The following TMC3 variants were observed in gnomAD, a reference collection of about 807,000 sequenced individuals.
TMC3 encodes transmembrane channel like 3, also known as transmembrane channel-like protein 3.
A neutral mutation model predicts 110.6 loss-of-function variants in TMC3; 98 were observed. The observed-to-expected ratio is 0.89, with a 90% CI of 0.75 to 1.05. The LOEUF is 1.05. Among genes scored for constraint, TMC3 ranks in the 50% least tolerant of loss-of-function variants. The pLI is 0.00. For missense variants in TMC3, 1,319 were observed against 1,373.2 expected, an observed-to-expected ratio of 0.96 and a Z score of 0.62; for synonymous variants, 489 against 513.1, an observed-to-expected ratio of 0.95 and a Z score of 0.63.
In TMC3 at chr15:81,343,298, G is replaced by T; in HGVS notation, c.1695C>A (p.Val565=). Residue 565 remains valine, a synonymous_variant, in exon 15 of 22, where the codon GTC becomes GTA. Transcript: ENST00000359440. ...FKIAENVLHL[V]YNQGMIWMGA... ...CCTACCAAATCATTCCTTGGTTGTA[G>T]ACTAAATGTAGCACATTCTCAGCTA... is the stretch of plus-strand genomic sequence containing the variant. 1 of 1,609,350 alleles carries T rather than the reference G, an allele frequency of 6.2e-7. No homozygotes were observed. Among genetic ancestry groups the T allele is most frequent in the Non-Finnish European group, 8.5e-7 (1 of 1,175,664 alleles).
chr15:81,354,711 C>G (rs1894021883), intron 9 of TMC3, among the ~76,000 whole-genome samples: 1 of 152,168 alleles, frequency 6.6e-6, no homozygotes, highest in Non-Finnish European at 1.5e-5. Context: ...ACTATCTTCT[C>G]CATGAAATTT....
intron 9 of TMC3, among the ~76,000 whole-genome samples, chr15:81,353,719 C>T (rs533760807): frequency 6.6e-6 from 1 of 152,202 alleles, no homozygotes; most frequent in Non-Finnish European, 1.5e-5. Flanking sequence ...GATGTTCACA[C>T]AAGGACAACA....
At position 81,332,244 on chromosome 15, in the gene TMC3, T is replaced by C; in HGVS notation, c.*175A>G. 1 of 929,916 alleles carries C rather than the reference T, an allele frequency of 1.1e-6. No homozygotes were observed. The highest frequency in any genetic ancestry group is 1.5e-6 in the Non-Finnish European group (1 of 650,034). The allele number at this position is 929,916 out of a possible 1,614,324, so 57.6% of individuals were successfully genotyped here. On this transcript the variant is annotated 3_prime_UTR_variant, in exon 22 of 22. Transcript: ENST00000359440. ...GGATAAATTTGGCTAACAGTAGCTG[T>C]AGAATAGGTATCTGTAGCCCTGTCA... is the stretch of plus-strand genomic sequence containing the variant.
intron 10 of TMC3, 109 bp from the exon 11 acceptor site, chr15:81,349,676 G>T: frequency 1.8e-6 from 1 of 569,878 alleles, no homozygotes; most frequent in Non-Finnish European, 2.7e-6. Flanking sequence ...CTTTCCACAG[G>T]GTCCTTGGAT....
At chr15:81,366,747 A>G (rs1894325765) in intron 3 of TMC3, among the ~76,000 whole-genome samples, 1 of 152,214 alleles carries the variant, frequency 6.6e-6, no homozygotes, top group South Asian at 2.1e-4. Flanking sequence ...AGAATTGTAA[A>G]GAAGATTTTT....
rs376083134 is a variant in TMC3 at position 81,343,886 on chromosome 15, A to G, written c.1647+31T>C. ...AGAAAGGATGGATTTGGCCATATAA[A>G]CTTTCCCAACAGACACAGCATTTTA... On this transcript the variant is annotated intron_variant, in intron 14 of 21. Coordinates refer to ENST00000359440, the MANE Select transcript of TMC3 (RefSeq NM_001080532.3). The G allele has an allele frequency of 2.0e-4, 319 of 1,605,298 alleles. 1 individual carries two copies. The African/African-American group carries it at 3.7e-3, about 18-fold the overall frequency.
intron 10 of TMC3, among the ~76,000 whole-genome samples, chr15:81,350,830 C>T (rs1217106306): frequency 6.6e-6 from 1 of 152,094 alleles, no homozygotes; most frequent in East Asian, 1.9e-4. Context: ...ATTTAGAATT[C>T]CAAAATTGTT....
chr15:81,371,482 G>A (rs1027601583), intron 2 of TMC3, among the ~76,000 whole-genome samples: 1 of 152,206 alleles, frequency 6.6e-6, no homozygotes, highest in Admixed American at 6.5e-5. Flanking sequence ...CAGTGGTTCT[G>A]TCCACACTGC....
At chr15:81,343,038 T>A in intron 15 of TMC3, 1 of 450,692 alleles carries the variant, frequency 2.2e-6, no homozygotes, top group Non-Finnish European at 4.0e-6. Flanking sequence ...CTGTGCAGAT[T>A]TTTTTCGGCT....
chr15:81,352,257 A>G (rs946487258), intron 9 of TMC3, among the ~76,000 whole-genome samples: 2 of 152,194 alleles, frequency 1.3e-5, no homozygotes, highest in Non-Finnish European at 2.9e-5. Context: ...GGGAGGACAC[A>G]TGATTCTGCC....
intron 10 of TMC3, 140 bp downstream of exon 10, chr15:81,351,554 G>C: frequency 9.4e-7 from 1 of 1,062,068 alleles, no homozygotes; most frequent in Non-Finnish European, 1.3e-6. Context: ...GTTTCATCAT[G>C]TTGGCCAGGC....
chr15:81,372,829 C>T, intron 1 of TMC3, 92 bp from the exon 2 acceptor site: 8 of 1,336,334 alleles, frequency 6.0e-6, no homozygotes, highest in Non-Finnish European at 7.3e-6. Flanking sequence ...CAGCATCTCA[C>T]TGCCCTAGGG....
In TMC3 at chr15:81,339,411, T is replaced by C; in HGVS notation, c.1938A>G (p.Leu646=). Reference sequence around the variant, plus strand: ...AAACTTACCTGAATGGCCCACAGTTTAGAGATGGCTTGTATCGGACAATAG... The same window carrying C: ...AAACTTACCTGAATGGCCCACAGTTCAGAGATGGCTTGTATCGGACAATAG... The part of the protein sequence containing the change: ...IFAIVRYKPS[L]NCGPFSGQEK... Residue 646 remains leucine (L), a synonymous_variant, in exon 17 of 22, where the codon CTA becomes CTG. Transcript: ENST00000359440. 1.2e-6 allele frequency: 2 copies of C among 1,610,766 alleles called. No individual in the cohort carries two copies. The highest frequency in any genetic ancestry group is 1.3e-5 in the African/African-American group (1 of 75,010).
chr15:81,340,330 TTCTTTA>T (rs1176111962), intron 16 of TMC3, among the ~76,000 whole-genome samples: 3 of 152,184 alleles, frequency 2.0e-5, no homozygotes, highest in Admixed American at 6.5e-5. Context: ...GTTGTGAAAC[TTCTTTA>T]TCTTTGTCTA....
chr15:81,334,316 G>T (rs1314267887), intron 21 of TMC3, among the ~76,000 whole-genome samples: 1 of 152,164 alleles, frequency 6.6e-6, no homozygotes, highest in South Asian at 2.1e-4. Flanking sequence ...AAAGTAGGAA[G>T]GGATCTACTG....
Position 81,351,723 on chromosome 15 carries a change from T to C in TMC3, c.1054A>G (p.Lys352Glu). The C allele has an allele frequency of 6.4e-7, 1 of 1,563,020 alleles. No homozygotes were observed. Among genetic ancestry groups the C allele is most frequent in the Non-Finnish European group, 8.7e-7 (1 of 1,153,608 alleles). The change falls in exon 10 of 22, where the codon AAG becomes GAG. Residue 352 changes from lysine to glutamate, a missense_variant. Transcript: ENST00000359440. ...TTCTTTTCCCAAAGTGTCAGCTCCT[T>C]CTTCGACTGCTCCAGCTTCTGGGAC... ...DRSQKLEQSKKELTLWEKNEV... is the reference protein window; with the variant it reads ...DRSQKLEQSKEELTLWEKNEV...
rs35807579 is a variant in TMC3 at position 81,351,348 on chromosome 15, C to CTTT, written c.1083+343_1083+345dup. On this transcript the variant is annotated intron_variant, in intron 10 of 21. Transcript: ENST00000359440. ...TACTTTTCTGTGTCTCTCTCTCTCTCTTTTTTTTTTTTTTTTTTTTTTGAG... is the reference window on the plus strand; with the variant it reads ...TACTTTTCTGTGTCTCTCTCTCTCTCTTTTTTTTTTTTTTTTTTTTTTTTTGAG... Among the ~76,000 whole-genome samples, 325 of 101,276 alleles carry CTTT rather than the reference C, an allele frequency of 3.2e-3. 6 individuals carry two copies. Among genetic ancestry groups the CTTT allele is most frequent in the African/African-American group, 0.014 (241 of 16,958 alleles). 66.4% of individuals were successfully genotyped at this position (101,276 alleles called of 152,430 possible).
chr15:81,362,168 AC>A, intron 4 of TMC3, 51 bp downstream of exon 4: 2 of 1,484,576 alleles, frequency 1.3e-6, no homozygotes, highest in Non-Finnish European at 1.8e-6. Context: ...TTAGGCTGTG[AC>A]TGGCCACTAG....
Position 81,370,767 on chromosome 15 carries a change from C to T in TMC3, c.236+1824G>A, listed in dbSNP as rs554584382. On this transcript the variant is annotated intron_variant, in intron 2 of 21. Transcript: ENST00000359440. The stretch of plus-strand genomic sequence containing the variant: ...TTGGCTCACTGCAACCTCTTCCTCC[C>T]GGGTTCAAGCAATTCTCCTGCCTCA... 4.6e-5 allele frequency among the ~76,000 whole-genome samples: 7 copies of T among 151,690 alleles called. No homozygotes were observed. In the East Asian group the frequency reaches 7.7e-4, roughly 17 times the overall value.
Sources: gnomAD v4.1 joint callset for allele counts (sites outside exome capture counted in the v4.1 genomes callset) on GRCh38, gnomAD v4.1.1 for gene constraint, MANE v1.5 for transcripts, NCBI Gene and HGNC (gene_info 2026-07-23, HGNC 2026-07-21) for gene names.